Variants in LAD1 observed in about 807,000 individuals in gnomAD.
LAD1 encodes the protein ladinin 1, also known as ladinin-1.
LAD1 carries 53 observed loss-of-function variants against 54.2 expected under a neutral mutation model. The observed-to-expected ratio is 0.98, with a 90% CI of 0.78 to 1.23. The LOEUF (loss-of-function observed/expected upper bound fraction) is 1.23, where lower values mean the gene tolerates loss of function less well. Among genes scored for constraint, LAD1 ranks in the 50% most tolerant of loss-of-function variants. LAD1 has a pLI of 0.00. For missense variants in LAD1, 637 were observed against 653.3 expected, an observed-to-expected ratio of 0.98 and a Z score of 0.27; for synonymous variants, 231 against 257.7, an observed-to-expected ratio of 0.90 and a Z score of 0.99.
chr1:201,386,614 C>A lies in LAD1; in HGVS notation c.747G>T (p.Leu249=). The A allele has an allele frequency of 6.2e-7, 1 of 1,614,180 alleles. No homozygotes were observed. The highest frequency in any genetic ancestry group is 1.3e-5 in the African/African-American group (1 of 75,054). Reference sequence around the variant, plus strand: ...CAGACACCAGCCTCCTTCCTGAGCCCAGTGCCATCCCTGGGGCCAGCGACT... The same window carrying A: ...CAGACACCAGCCTCCTTCCTGAGCCAAGTGCCATCCCTGGGGCCAGCGACT... ...SEKSLAPGMA[L]GSGRRLVSEK... is the part of the protein sequence containing the mutation. The change falls in exon 3 of 10, where the codon CTG becomes CTT. Residue 249 remains leucine, a synonymous_variant. Coordinates refer to ENST00000391967, the MANE Select transcript of LAD1 (RefSeq NM_005558.4).
chr1:201,396,632 G>A (rs545104777), intron 1 of LAD1, among the ~76,000 whole-genome samples: 1 of 150,798 alleles, frequency 6.6e-6, no homozygotes, highest in South Asian at 2.1e-4. Context: ...TGCATTTTGT[G>A]GAACCCTGGG....
rs552300739 is a variant in LAD1 at position 201,386,876 on chromosome 1, ACC to A, written c.483_484del (p.Leu161PhefsTer31). On this transcript the variant is annotated frameshift_variant, in exon 3 of 10. Transcript: ENST00000391967. LOFTEE classifies it high-confidence loss of function. The stretch of plus-strand genomic sequence containing the variant: ...CTTCCTCTCTTCTGGCTCCCTGCCC[ACC>A]AAGCTCTCCTCCTCCAGGGCCCAGG... The A allele has an allele frequency of 0.034, 46,383 of 1,379,396 alleles. 1,771 individuals are homozygous for A. The highest frequency in any genetic ancestry group is 0.16 in the African/African-American group (11,157 of 68,046). The allele number at this position is 1,379,396 out of a possible 1,614,324, so 85.4% of individuals were successfully genotyped here.
chr1:201,399,238 C>A, intron 1 of LAD1, 31 bp downstream of exon 1: 2 of 1,533,312 alleles, frequency 1.3e-6, no homozygotes, highest in East Asian at 4.8e-5. Flanking sequence ...CCGCCGACCC[C>A]CCGCCCCTCC....
rs1661994636 is a variant in LAD1 at position 201,383,080 on chromosome 1, G to T, written c.1380C>A (p.Ser460Arg). The change falls in exon 7 of 10, where the codon AGC (serine) becomes AGA (arginine). Residue 460 changes from serine to arginine, a missense_variant. Physicochemically the swap from Ser to Arg is moderately radical, Grantham distance 110 (BLOSUM62 -1). Transcript: ENST00000391967. ...TGGGGCCTGAGCCCCTCACCTTCCGGCTGGAGGCTGGTTCTGCTCGGCTCT... is the reference window on the plus strand; with the variant it reads ...TGGGGCCTGAGCCCCTCACCTTCCGTCTGGAGGCTGGTTCTGCTCGGCTCT... The part of the protein sequence containing the change: ...AGQSRAEPAS[S>R]RKENLRLSGV... 6.2e-7 allele frequency: 1 copy of T among 1,611,858 alleles called. No homozygotes were observed. Among genetic ancestry groups the T allele is most frequent in the African/African-American group, 1.3e-5 (1 of 74,858 alleles).
chr1:201,398,890 C>A (rs1045061120), intron 1 of LAD1, among the ~76,000 whole-genome samples: 3 of 152,202 alleles, frequency 2.0e-5, no homozygotes, highest in African/African-American at 7.2e-5. Context: ...GCCAGAGACA[C>A]ACGGGGGCAG....
chr1:201,382,239 C>G lies in LAD1; in HGVS notation c.1548+13G>C. 1 of 1,609,874 alleles carries G rather than the reference C, an allele frequency of 6.2e-7. No individual in the cohort carries two copies. Among genetic ancestry groups the G allele is most frequent in the Non-Finnish European group, 8.5e-7 (1 of 1,176,732 alleles). The stretch of plus-strand genomic sequence containing the variant: ...CCCTCCGCCGTAGGGCCAGGCTCCT[C>G]CCCACCATTCACCTCAGCGTCCAGC... On this transcript the variant is annotated intron_variant, in intron 9 of 9. Coordinates refer to ENST00000391967, the MANE Select transcript of LAD1 (RefSeq NM_005558.4).
rs767144810 is a variant in LAD1 at position 201,387,213 on chromosome 1, A to G, written c.183-35T>C. 9 of 1,477,048 alleles carry G rather than the reference A, an allele frequency of 6.1e-6. No individual in the cohort carries two copies. The South Asian group carries it at 1.4e-4, about 22-fold the overall frequency. The allele number at this position is 1,477,048 out of a possible 1,614,324, so 91.5% of individuals were successfully genotyped here. On this transcript the variant is annotated intron_variant, in intron 2 of 9. Coordinates refer to ENST00000391967, the MANE Select transcript of LAD1 (RefSeq NM_005558.4). ...AAGATGGGAGACAGAATCAGAGGAT[A>G]GAGGTGGAAGATACCCTAAGTATAC...
intron 1 of LAD1, among the ~76,000 whole-genome samples, chr1:201,389,696 C>T (rs1482544382): frequency 1.3e-5 from 2 of 151,484 alleles, no homozygotes; most frequent in Non-Finnish European, 2.9e-5. Context: ...GTGGTGCACA[C>T]CTGTAGTCCC....
intron 1 of LAD1, among the ~76,000 whole-genome samples, chr1:201,395,004 G>C (rs1011796534): frequency 6.6e-6 from 1 of 152,204 alleles, no homozygotes; most frequent in South Asian, 2.1e-4. Flanking sequence ...CTGGTCTCCT[G>C]GGGGTCTCCA....
At position 201,383,312 on chromosome 1, in the gene LAD1, C is replaced by G. The variant is rs761394924; in HGVS notation, c.1248+5G>C. On this transcript the variant is annotated splice_donor_5th_base_variant and intron_variant, in intron 6 of 9. Transcript: ENST00000391967. ...CTCCGCCCCTCAGGAGAAGCCCCCA[C>G]CCACCCGTATGGCCGTGTGGTATCT... 2.5e-6 allele frequency: 4 copies of G among 1,613,988 alleles called. No homozygotes were observed. The South Asian group carries it at 4.4e-5, about 18-fold the overall frequency.
chr1:201,396,152 G>GGAGGCTCAGCTGCTCCTACTAGCT (rs1662285032), intron 1 of LAD1, among the ~76,000 whole-genome samples: 1 of 152,188 alleles, frequency 6.6e-6, no homozygotes, highest in South Asian at 2.1e-4. Flanking sequence ...GAACAGCTGC[G>GGAGGCTCAGCTGCTCCTACTAGCT]GAGGCTCAGC....
In LAD1 at chr1:201,389,255, C is replaced by T; in HGVS notation, c.87G>A (p.Glu29=). 1 of 1,614,076 alleles carries T rather than the reference C, an allele frequency of 6.2e-7. No homozygotes were observed. The highest frequency in any genetic ancestry group is 8.5e-7 in the Non-Finnish European group (1 of 1,180,006). The change falls in exon 2 of 10, where the codon GAG becomes GAA. Residue 29 remains glutamate, a synonymous_variant. Coordinates refer to ENST00000391967, the MANE Select transcript of LAD1 (RefSeq NM_005558.4). ...TCAGGTTGCGGTGCCGCCGCCTGCG[C>T]TCGCGCTCCTGTTCCTCCTCATCCT... ...TLEDEEEQER[E]RRRRHRNLSS...
chr1:201,398,335 C>T (rs1382172964), intron 1 of LAD1, among the ~76,000 whole-genome samples: 2 of 152,198 alleles, frequency 1.3e-5, no homozygotes, highest in African/African-American at 2.4e-5. Context: ...CAAATGCCCA[C>T]CTGGGAGGAG....
chr1:201,391,934 CTCTT>C (rs1265693069), intron 1 of LAD1, among the ~76,000 whole-genome samples: 3 of 152,236 alleles, frequency 2.0e-5, no homozygotes, highest in Non-Finnish European at 2.9e-5. Context: ...TAGAAAAGGC[CTCTT>C]TCTTCCCTCC....
At chr1:201,385,625 C>T (rs569593631) in intron 4 of LAD1, 76 bp downstream of exon 4, 1 of 1,071,434 alleles carries the variant, frequency 9.3e-7, no homozygotes, top group South Asian at 1.2e-5. Context: ...ACCTACGGCT[C>T]CTATGTTGTA....
At chr1:201,382,871 C>T in intron 7 of LAD1, 132 bp from the exon 8 acceptor site, 3 of 950,520 alleles carry the variant, frequency 3.2e-6, no homozygotes, top group Non-Finnish European at 4.8e-6. Flanking sequence ...ATACCTGGGA[C>T]AGCCCCCTCC....
intron 8 of LAD1, 79 bp from the exon 9 acceptor site, chr1:201,382,405 C>T (rs552943722): frequency 2.6e-6 from 3 of 1,153,960 alleles, no homozygotes; most frequent in Non-Finnish European, 3.9e-6. Context: ...GCCCAGCTCC[C>T]AGCCCAGGAT....
rs142020279 is a variant in LAD1 at position 201,385,853 on chromosome 1, A to G, written c.1027-48T>C. 1,916 of 1,376,576 alleles carry G rather than the reference A, an allele frequency of 1.4e-3. 20 individuals are homozygous for G. In the African/African-American group the frequency reaches 0.024, roughly 17 times the overall value. 85.3% of individuals were successfully genotyped at this position (1,376,576 alleles called of 1,614,324 possible). A position where few individuals can be genotyped will look rare whatever the true frequency, so the allele number is the denominator to read the frequency against. On this transcript the variant is annotated intron_variant, in intron 3 of 9. Coordinates refer to ENST00000391967, the MANE Select transcript of LAD1 (RefSeq NM_005558.4). ...CACATAAGAGGTCTAGGGCCCATCA[A>G]GCCGGGGCAGCCATAAACCCCATGG...
At position 201,383,382 on chromosome 1, in the gene LAD1, T is replaced by C. The variant is rs1197147489; in HGVS notation, c.1183A>G (p.Met395Val). The C allele has an allele frequency of 1.2e-6, 2 of 1,613,940 alleles. No individual in the cohort carries two copies. Among genetic ancestry groups the C allele is most frequent in the Non-Finnish European group, 1.7e-6 (2 of 1,180,016 alleles). ...TTCACTGTGTTGTCTGGGAGCTTCA[T>C]GCTGGCACTGCAGGATGGAAGATGG... ...SETTLTRSAS[M>V]KLPDNTVKLG... Residue 395 changes from methionine (M) to valine (V), a missense_variant, in exon 6 of 10, where the codon ATG (methionine) becomes GTG (valine). By Grantham distance (21) the Met-to-Val change is conservative (BLOSUM62 1). Transcript: ENST00000391967.
Sources: gnomAD v4.1 joint callset for allele counts (sites outside exome capture counted in the v4.1 genomes callset) on GRCh38, gnomAD v4.1.1 for gene constraint, MANE v1.5 for transcripts, NCBI Gene and HGNC (gene_info 2026-07-23, HGNC 2026-07-21) for gene names.